KCNK3: variants seen among roughly 807,000 people sequenced by gnomAD.
The protein encoded by KCNK3 is potassium channel subfamily K member 3.
KCNK3 carries 9 observed loss-of-function variants against 27.3 expected under a neutral mutation model. The ratio of observed to expected loss-of-function variants is 0.33; its 90% CI spans 0.20 to 0.57. The LOEUF is 0.57. Among genes scored for constraint, KCNK3 ranks in the 20% least tolerant of loss-of-function variants. The probability of loss-of-function intolerance (pLI) is 0.87; values close to 1 mark genes in which losing one functional copy is unlikely to be tolerated. For missense variants in KCNK3, 391 were observed against 577.7 expected (o/e 0.68, Z 3.31); for synonymous variants, 278 against 273.8 (o/e 1.02, Z -0.15).
At chr2:26,711,822 G>C (rs139152956) in intron 1 of KCNK3, among the ~76,000 whole-genome samples, 140 of 152,320 alleles carry the variant, frequency 9.2e-4, no homozygotes, top group African/African-American at 3.3e-3. Flanking sequence ...TTCGAATAAA[G>C]TCAAGTGCAG....
Position 26,707,922 on chromosome 2 carries a change from C to G in KCNK3, c.283+14764C>G, listed in dbSNP as rs1462425805. Among the ~76,000 whole-genome samples, 3 of 152,124 alleles carry G rather than the reference C, an allele frequency of 2.0e-5. No homozygotes were observed. In the East Asian group the frequency reaches 5.8e-4, roughly 29 times the overall value. ...TCAGGTCCCCGACTCTTTCCACTCC[C>G]CTCAGGCACCCACGCAGTCATTCCT... On this transcript the variant is annotated intron_variant, in intron 1 of 1. Transcript: ENST00000302909.
rs1010396803 is a variant in KCNK3 at position 26,728,808 on chromosome 2, G to T, written c.*240G>T. The T allele has an allele frequency of 2.7e-5, 11 of 402,044 alleles. No individual in the cohort carries two copies. In the East Asian group the frequency reaches 4.0e-4, roughly 15 times the overall value. The allele number at this position is 402,044 out of a possible 1,614,324, so 24.9% of individuals were successfully genotyped here. On this transcript the variant is annotated 3_prime_UTR_variant, in exon 2 of 2. Transcript: ENST00000302909. ...AATTCCGAGAAATGTGAAACTTGGT[G>T]GGGTCAGGGAGGAAAGGCAGAAGCT...
intron 1 of KCNK3, among the ~76,000 whole-genome samples, chr2:26,716,388 A>T (rs1329588143): frequency 6.6e-6 from 1 of 152,232 alleles, no homozygotes; most frequent in African/African-American, 2.4e-5. Context: ...TAGAACTCAG[A>T]GCACAGCACA....
intron 1 of KCNK3, among the ~76,000 whole-genome samples, chr2:26,711,292 G>A (rs531245528): frequency 2.2e-4 from 33 of 152,164 alleles, no homozygotes; most frequent in Non-Finnish European, 3.2e-4. Context: ...CCGTGAAAAC[G>A]CTCTGAAGTG....
chr2:26,693,171 CGGGCGGG>C lies in KCNK3; in HGVS notation c.283+21_283+27del. On this transcript the variant is annotated intron_variant, in intron 1 of 1. Coordinates refer to ENST00000302909, the MANE Select transcript of KCNK3 (RefSeq NM_002246.3). The surrounding 1 kb of genome is among the most constrained non-coding windows in gnomAD (Gnocchi z 5.5). ...ATCACCACCATCGGTAACGGCTCGC[CGGGCGGG>C]GGGCGGGAACCCAGGGCTGGGCGCG... 7.3e-7 allele frequency: 1 copy of C among 1,370,674 alleles called. No individual in the cohort carries two copies. Among genetic ancestry groups the C allele is most frequent in the Non-Finnish European group, 9.5e-7 (1 of 1,047,370 alleles). The allele number at this position is 1,370,674 out of a possible 1,614,324, so 84.9% of individuals were successfully genotyped here.
intron 1 of KCNK3, among the ~76,000 whole-genome samples, chr2:26,705,570 A>G (rs1052595652): frequency 6.6e-6 from 1 of 151,988 alleles, no homozygotes; most frequent in Non-Finnish European, 1.5e-5. Flanking sequence ...CACCCCAACC[A>G]CAAGTGCCCT....
chr2:26,708,431 T>G (rs1311900755), intron 1 of KCNK3, among the ~76,000 whole-genome samples: 1 of 152,130 alleles, frequency 6.6e-6, no homozygotes, highest in Non-Finnish European at 1.5e-5. Flanking sequence ...CCCAGCACTT[T>G]GAAAGGCTGA....
chr2:26,726,589 T>C (rs560373249), intron 1 of KCNK3, among the ~76,000 whole-genome samples: 1 of 152,222 alleles, frequency 6.6e-6, no homozygotes, highest in African/African-American at 2.4e-5. Flanking sequence ...ACTTTACAAA[T>C]GAAGAAACAT....
At chr2:26,724,600 A>G (rs976894805) in intron 1 of KCNK3, 5 of 985,296 alleles carry the variant, frequency 5.1e-6, no homozygotes, top group African/African-American at 1.7e-5. Flanking sequence ...CTGCGGTAGG[A>G]AGTGAGATTG....
chr2:26,719,060 T>A (rs1032130557), intron 1 of KCNK3, among the ~76,000 whole-genome samples: 5 of 152,266 alleles, frequency 3.3e-5, no homozygotes, highest in Non-Finnish European at 5.9e-5. Flanking sequence ...TTCCACCACA[T>A]AAATATACCT....
At position 26,692,986 on chromosome 2, in the gene KCNK3, G is replaced by T; in HGVS notation, c.111G>T (p.Glu37Asp). 6.3e-7 allele frequency: 1 copy of T among 1,575,408 alleles called. No homozygotes were observed. The change falls in exon 1 of 2, where the codon GAG (glutamate) becomes GAT (aspartate). Residue 37 changes from glutamate (E) to aspartate (D), a missense_variant. By Grantham distance (45) the Glu-to-Asp change is conservative. This residue lies in a region of KCNK3 where 158 missense variants were observed against 267.7 expected (regional missense o/e 0.59). Coordinates refer to ENST00000302909, the MANE Select transcript of KCNK3 (RefSeq NM_002246.3). The surrounding 1 kb of genome is among the most constrained non-coding windows in gnomAD (Gnocchi z 5.6). ...DALESEPELI[E>D]RQRLELRQQE... ...TGGAGTCGGAGCCCGAGCTGATCGA[G>T]CGGCAGCGGCTGGAGCTGCGGCAGC... is the stretch of plus-strand genomic sequence containing the variant.
intron 1 of KCNK3, among the ~76,000 whole-genome samples, chr2:26,726,902 A>T (rs533565016): frequency 2.0e-5 from 3 of 152,276 alleles, no homozygotes; most frequent in African/African-American, 7.2e-5. Flanking sequence ...CAGATCCTAC[A>T]TCAGGTCAAG....
chr2:26,702,142 G>A (rs900887396), intron 1 of KCNK3, among the ~76,000 whole-genome samples: 7 of 152,134 alleles, frequency 4.6e-5, no homozygotes, highest in African/African-American at 1.7e-4. Context: ...CCCAGTGTGT[G>A]TGGATCCAGT....
At chr2:26,714,936 C>T (rs1663201634) in intron 1 of KCNK3, among the ~76,000 whole-genome samples, 1 of 151,674 alleles carries the variant, frequency 6.6e-6, no homozygotes, top group African/African-American at 2.4e-5. Flanking sequence ...CATCAAGGTC[C>T]CCTTAGATGG....
chr2:26,728,595 G>T lies in KCNK3; in HGVS notation c.*27G>T. 1 of 1,412,386 alleles carries T rather than the reference G, an allele frequency of 7.1e-7. No homozygotes were observed. 87.5% of individuals were successfully genotyped at this position (1,412,386 alleles called of 1,614,324 possible). A position where few individuals can be genotyped will look rare whatever the true frequency, so the allele number is the denominator to read the frequency against. On this transcript the variant is annotated 3_prime_UTR_variant, in exon 2 of 2. Transcript: ENST00000302909. The stretch of plus-strand genomic sequence containing the variant: ...TGCCCCGAGGGGCCTGGAGCACCTG[G>T]GGGCGCGGGCGGGGGACCCCTGCTG...
chr2:26,728,381 T>G lies in KCNK3; in HGVS notation c.998T>G (p.Leu333Arg). 1 of 1,607,546 alleles carries G rather than the reference T, an allele frequency of 6.2e-7. No homozygotes were observed. The highest frequency in any genetic ancestry group is 1.1e-5 in the South Asian group (1 of 90,272). ...YSIPMIIPRDLSTSDTCVEQS... is the reference protein window; with the variant it reads ...YSIPMIIPRDRSTSDTCVEQS... The stretch of plus-strand genomic sequence containing the variant: ...ATCCCCATGATCATCCCGCGGGACC[T>G]CTCCACGTCCGACACGTGCGTGGAG... The change falls in exon 2 of 2, where the codon CTC (leucine) becomes CGC (arginine). Residue 333 changes from leucine (L) to arginine (R), a missense_variant. Physicochemically the swap from Leu to Arg is moderately radical, Grantham distance 102 (BLOSUM62 -2). Coordinates refer to ENST00000302909, the MANE Select transcript of KCNK3 (RefSeq NM_002246.3).
intron 1 of KCNK3, among the ~76,000 whole-genome samples, chr2:26,701,427 C>T (rs1670306764): frequency 6.6e-6 from 1 of 152,044 alleles, no homozygotes; most frequent in Admixed American, 6.5e-5. Context: ...GGGCTTGCCC[C>T]ATGAGGAGGC....
rs907957867 is a variant in KCNK3, at chr2:26,728,931, G to A, written c.*363G>A. On this transcript the variant is annotated 3_prime_UTR_variant, in exon 2 of 2. Coordinates refer to ENST00000302909, the MANE Select transcript of KCNK3 (RefSeq NM_002246.3). ...ACCTTCGGAGGGGACTTCATGTTCC[G>A]TGTACGTTTGCATCTCTATTTATAC... 2.7e-5 allele frequency: 6 copies of A among 218,666 alleles called. No homozygotes were observed. Among genetic ancestry groups the A allele is most frequent in the Admixed American group, 1.7e-4 (3 of 17,346 alleles). The allele number at this position is 218,666 out of a possible 1,614,324, so 13.5% of individuals were successfully genotyped here.
At chr2:26,702,973 G>A (rs190113096) in intron 1 of KCNK3, among the ~76,000 whole-genome samples, 6 of 152,142 alleles carry the variant, frequency 3.9e-5, no homozygotes, top group East Asian at 1.9e-4. Flanking sequence ...AAAATTAGCC[G>A]GGCATGGTAG....
Sources: gnomAD v4.1 joint callset for allele counts (sites outside exome capture counted in the v4.1 genomes callset) on GRCh38, gnomAD v4.1.1 for gene constraint, gnomAD v4.1.1 regional missense constraint, Gnocchi (gnomAD v3.1) non-coding constraint, MANE v1.5 for transcripts, NCBI Gene and HGNC (gene_info 2026-07-23, HGNC 2026-07-21) for gene names.